Variants in HS3ST5 observed in about 807,000 individuals in gnomAD.
The protein encoded by HS3ST5 is heparan sulfate glucosamine 3-O-sulfotransferase 5.
Under a neutral mutation model 25.4 loss-of-function variants are expected in HS3ST5, and 10 were observed. That is an observed-to-expected ratio of 0.39 (90% confidence interval 0.24 to 0.67). HS3ST5 has a LOEUF of 0.67. Among genes scored for constraint, HS3ST5 ranks in the 30% least tolerant of loss-of-function variants. The pLI is 0.44. For missense variants in HS3ST5, 324 were observed against 420.7 expected (o/e 0.77, Z 2.01); for synonymous variants, 170 against 162.4 (o/e 1.05, Z -0.36).
chr6:114,267,629 T>C (rs913750311), intron 1 of HS3ST5, among the ~76,000 whole-genome samples: 2 of 152,174 alleles, frequency 1.3e-5, no homozygotes, highest in Non-Finnish European at 2.9e-5. Context: ...GTAGGGATTT[T>C]GAACAGAGGA....
intron 1 of HS3ST5, among the ~76,000 whole-genome samples, chr6:114,284,916 G>C (rs184042319): frequency 2.0e-5 from 3 of 151,896 alleles, no homozygotes; most frequent in African/African-American, 7.3e-5. Flanking sequence ...CTAAAATCTG[G>C]ATTGATCTTC....
At chr6:114,294,070 GGGCACCTAATCTCAA>G (rs1774703495) in intron 1 of HS3ST5, among the ~76,000 whole-genome samples, 1 of 152,156 alleles carries the variant, frequency 6.6e-6, no homozygotes, top group Non-Finnish European at 1.5e-5. Context: ...GCAACCAGGA[GGGCACCTAATCTCAA>G]TAACGTGTTA....
chr6:114,215,433 G>C (rs1293258846), intron 2 of HS3ST5, among the ~76,000 whole-genome samples: 1 of 152,132 alleles, frequency 6.6e-6, no homozygotes, highest in African/African-American at 2.4e-5. Flanking sequence ...TGATTGATGA[G>C]TGTGTCATGA....
intron 2 of HS3ST5, among the ~76,000 whole-genome samples, chr6:114,180,872 C>A (rs1350657750): frequency 2.6e-5 from 4 of 152,094 alleles, no homozygotes; most frequent in African/African-American, 7.2e-5. Context: ...AGCAGGTATC[C>A]CTCAGAGCTA....
At chr6:114,112,139 C>T (rs145365867) in intron 3 of HS3ST5, among the ~76,000 whole-genome samples, 128 of 152,288 alleles carry the variant, frequency 8.4e-4, no homozygotes, top group African/African-American at 2.8e-3. Flanking sequence ...AAAGATGCCA[C>T]GAGCTAATCC....
At chr6:114,320,749 A>C (rs752906651) in intron 1 of HS3ST5, among the ~76,000 whole-genome samples, 7 of 152,012 alleles carry the variant, frequency 4.6e-5, no homozygotes, top group Non-Finnish European at 8.8e-5. Context: ...TAGGGGAGTT[A>C]TTAATGTTTT....
At chr6:114,255,996 GT>G (rs1307918277) in intron 1 of HS3ST5, among the ~76,000 whole-genome samples, 1 of 152,126 alleles carries the variant, frequency 6.6e-6, no homozygotes, top group Admixed American at 6.5e-5. Flanking sequence ...CAGAAAATGG[GT>G]TTTTCTTTTC....
intron 2 of HS3ST5, among the ~76,000 whole-genome samples, chr6:114,184,979 T>C (rs1157274055): frequency 6.6e-6 from 1 of 152,198 alleles, no homozygotes; most frequent in Non-Finnish European, 1.5e-5. Context: ...TATTTGGTTT[T>C]ACGGGTTCAT....
chr6:114,245,038 T>C (rs1772315962), intron 1 of HS3ST5, among the ~76,000 whole-genome samples: 1 of 152,246 alleles, frequency 6.6e-6, no homozygotes, highest in Non-Finnish European at 1.5e-5. Flanking sequence ...ATTCCAGTTT[T>C]AATTAGCAAT....
chr6:114,154,367 T>C (rs1778598521), intron 3 of HS3ST5, among the ~76,000 whole-genome samples: 1 of 152,046 alleles, frequency 6.6e-6, no homozygotes, highest in African/African-American at 2.4e-5. Context: ...GTGGTAAAAT[T>C]TGGATTGAGA....
chr6:114,177,178 CA>C (rs1779759390), intron 2 of HS3ST5, among the ~76,000 whole-genome samples: 1 of 152,138 alleles, frequency 6.6e-6, no homozygotes, highest in Non-Finnish European at 1.5e-5. Context: ...AATAATCTTG[CA>C]TTTTTTTTAT....
chr6:114,194,188 A>G (rs1444219408), intron 2 of HS3ST5, among the ~76,000 whole-genome samples: 1 of 152,202 alleles, frequency 6.6e-6, no homozygotes, highest in Non-Finnish European at 1.5e-5. Flanking sequence ...TATCTTTTGC[A>G]TTGACTAAAT....
intron 2 of HS3ST5, among the ~76,000 whole-genome samples, chr6:114,197,112 TTTTC>T (rs1158356312): frequency 1.1e-3 from 156 of 144,854 alleles, no homozygotes; most frequent in African/African-American, 3.5e-3. Context: ...GAACAGTGTT[TTTTC>T]TTTCTTTCTT....
At chr6:114,199,601 C>A (rs1780919012) in intron 2 of HS3ST5, among the ~76,000 whole-genome samples, 1 of 127,274 alleles carries the variant, frequency 7.9e-6, no homozygotes, top group Non-Finnish European at 1.7e-5. Context: ...ATAAGAGAAT[C>A]CTCCTGTTGA....
intron 1 of HS3ST5, among the ~76,000 whole-genome samples, chr6:114,317,775 A>G (rs1348206597): frequency 8.5e-6 from 1 of 118,196 alleles, no homozygotes; most frequent in Non-Finnish European, 1.7e-5. Context: ...TGAAGGAACC[A>G]TAAGAGTAAT....
At chr6:114,220,613 T>C (rs1781986046) in intron 2 of HS3ST5, 1 of 152,002 alleles carries the variant, frequency 6.6e-6, no homozygotes, top group Non-Finnish European at 1.5e-5. Flanking sequence ...GTGCCATATA[T>C]TGATAAATAT....
Position 114,105,369 on chromosome 6 carries a change from A to T in HS3ST5, c.-32-42492T>A, listed in dbSNP as rs544978033. Among the ~76,000 whole-genome samples, 80 of 152,236 alleles carry T rather than the reference A, an allele frequency of 5.3e-4. 1 individual carries two copies. The highest frequency in any genetic ancestry group is 1.9e-3 in the African/African-American group (79 of 41,558). Reference sequence around the variant, plus strand: ...AGGAATTATGTGTACAGGGAGTGGGATTTTTGACCTCTTAAGGAGCAAGTA... The same window carrying T: ...AGGAATTATGTGTACAGGGAGTGGGTTTTTTGACCTCTTAAGGAGCAAGTA... On this transcript the variant is annotated intron_variant, in intron 3 of 4. Transcript: ENST00000312719.
chr6:114,126,144 T>A (rs1308711564), intron 3 of HS3ST5, among the ~76,000 whole-genome samples: 1 of 152,192 alleles, frequency 6.6e-6, no homozygotes, highest in Non-Finnish European at 1.5e-5. Flanking sequence ...ACTCCCTGGA[T>A]AGACCAAGAA....
rs1416728421 is a variant in HS3ST5, at chr6:114,090,407, A to G, written c.-32-27530T>C. On this transcript the variant is annotated intron_variant, in intron 3 of 4. Coordinates refer to ENST00000312719, the MANE Select transcript of HS3ST5 (RefSeq NM_153612.4). ...TTCTGAAGTAGTAAATGAATGTCAC[A>G]AAGATTCTCTCCCACTTTCCCTACC... Among the ~76,000 whole-genome samples, 7 of 152,198 alleles carry G rather than the reference A, an allele frequency of 4.6e-5. No individual in the cohort carries two copies. In the East Asian group the frequency reaches 1.2e-3, roughly 25 times the overall value.
Sources: allele counts gnomAD v4.1 joint callset (sites outside exome capture counted in the v4.1 genomes callset), GRCh38; gene constraint gnomAD v4.1.1; transcripts MANE v1.5; gene names NCBI Gene and HGNC (gene_info 2026-07-23, HGNC 2026-07-21).